The following SPATA22 variants were observed in gnomAD, a reference collection of about 807,000 sequenced individuals.
The protein encoded by SPATA22 is spermatogenesis-associated protein 22.
A neutral mutation model predicts 47.8 loss-of-function variants in SPATA22; 29 were observed. That is an observed-to-expected ratio of 0.61 (90% CI 0.45 to 0.83). The LOEUF is 0.83. Ranked by LOEUF, SPATA22 falls within the 40% of genes least tolerant of loss-of-function variation. The pLI, the probability that SPATA22 is intolerant of heterozygous loss-of-function variation, is 0.00. For missense variants in SPATA22, 410 were observed against 421.7 expected (o/e 0.97, Z 0.24); for synonymous variants, 133 against 140.9 (o/e 0.94, Z 0.40).
intron 5 of SPATA22, among the ~76,000 whole-genome samples, chr17:3,459,470 A>C (rs1285435099): frequency 6.6e-6 from 1 of 152,162 alleles, no homozygotes; most frequent in Non-Finnish European, 1.5e-5. Flanking sequence ...CAGTGGCAGG[A>C]TCTCAGCTCA....
At chr17:3,481,614 CAGA>C (rs1405992993) in intron 1 of SPATA22, 1 of 1,613,382 alleles carries the variant, frequency 6.2e-7, no homozygotes, top group Non-Finnish European at 8.5e-7. Context: ...AAAAAAATGT[CAGA>C]AGATTTGCCA....
chr17:3,470,814 C>G (rs1003016098), intron 1 of SPATA22, among the ~76,000 whole-genome samples: 7 of 151,306 alleles, frequency 4.6e-5, no homozygotes, highest in Non-Finnish European at 8.8e-5. Flanking sequence ...TGTTTTGTTT[C>G]CACATCTTAG....
chr17:3,448,772 G>T, intron 6 of SPATA22, 35 bp downstream of exon 6: 2 of 1,467,084 alleles, frequency 1.4e-6, no homozygotes, highest in Non-Finnish European at 1.9e-6. Flanking sequence ...TTTTAAAAAT[G>T]TAAATAAGTC....
chr17:3,476,707 A>G (rs909293421), upstream of SPATA22, among the ~76,000 whole-genome samples: 2 of 152,200 alleles, frequency 1.3e-5, no homozygotes, highest in African/African-American at 4.8e-5. Context: ...AAAGAAACAG[A>G]TTTAATACTC....
At chr17:3,465,260 C>G (rs1449134022) in intron 3 of SPATA22, among the ~76,000 whole-genome samples, 3 of 146,758 alleles carry the variant, frequency 2.0e-5, no homozygotes, top group Non-Finnish European at 4.6e-5. Flanking sequence ...GCCCGGCCAC[C>G]ACCCCGTCTG....
chr17:3,470,698 C>G (rs981581907), intron 1 of SPATA22, among the ~76,000 whole-genome samples: 2 of 150,044 alleles, frequency 1.3e-5, no homozygotes, highest in African/African-American at 2.5e-5. Context: ...TTGCAGTGAG[C>G]GGAGATCGTG....
chr17:3,462,606 A>T (rs374032956), intron 4 of SPATA22, 28 bp from the exon 5 acceptor site: 4 of 1,600,150 alleles, frequency 2.5e-6, no homozygotes, highest in Non-Finnish European at 3.4e-6. Flanking sequence ...CTTGTTAAAT[A>T]TTAATAGTTT....
intron 1 of SPATA22, chr17:3,499,577 CT>C (rs960642963): frequency 2.6e-5 from 4 of 152,758 alleles, no homozygotes; most frequent in African/African-American, 9.7e-5. Context: ...ATATTTCAAG[CT>C]TTTTTATGAT....
At chr17:3,478,919 A>G in intron 1 of SPATA22, among the ~76,000 whole-genome samples, 1 of 152,022 alleles carries the variant, frequency 6.6e-6, no homozygotes, top group East Asian at 1.9e-4. Flanking sequence ...CCTTGCAAGT[A>G]CTTCACAAAT....
intron 3 of SPATA22, among the ~76,000 whole-genome samples, chr17:3,463,187 A>G (rs1443048826): frequency 6.6e-6 from 1 of 152,220 alleles, no homozygotes; most frequent in African/African-American, 2.4e-5. Flanking sequence ...ACTTCATCAA[A>G]TCTTATCCTT....
upstream of SPATA22, chr17:3,476,149 T>C: frequency 6.2e-7 from 1 of 1,609,574 alleles, no homozygotes; most frequent in Non-Finnish European, 8.5e-7. Flanking sequence ...AGATAAAAAC[T>C]ACTTGGTGAA....
intron 1 of SPATA22, among the ~76,000 whole-genome samples, chr17:3,505,963 G>A (rs1254457474): frequency 6.6e-6 from 1 of 152,062 alleles, no homozygotes; most frequent in Non-Finnish European, 1.5e-5. Flanking sequence ...TCATCATATT[G>A]GTCAGGCTGG....
chr17:3,451,539 G>A (rs2150705683), intron 5 of SPATA22, among the ~76,000 whole-genome samples: 1 of 152,292 alleles, frequency 6.6e-6, no homozygotes, highest in East Asian at 1.9e-4. Flanking sequence ...ACTTTCTGAA[G>A]GATAACTCAC....
At chr17:3,508,644 G>T (rs1284671917) in intron 1 of SPATA22, among the ~76,000 whole-genome samples, 1 of 141,284 alleles carries the variant, frequency 7.1e-6, no homozygotes, top group Non-Finnish European at 1.5e-5. Context: ...GTAAACTATC[G>T]CAAGGACAAA....
At chr17:3,506,258 C>T (rs2074039624) in intron 1 of SPATA22, among the ~76,000 whole-genome samples, 1 of 152,136 alleles carries the variant, frequency 6.6e-6, no homozygotes, top group Non-Finnish European at 1.5e-5. Flanking sequence ...CAGGGCTGCC[C>T]CATCAGGCTT....
chr17:3,471,837 C>CGTGGACCGCGCAGGCGCA (rs962357285), upstream of SPATA22: 2 of 984,942 alleles, frequency 2.0e-6, no homozygotes, highest in Admixed American at 6.1e-5. Context: ...TCGCAGGCGC[C>CGTGGACCGCGCAGGCGCA]GTGGACCGCG....
intron 1 of SPATA22, among the ~76,000 whole-genome samples, chr17:3,478,192 A>T (rs142097988): frequency 0.083 from 12,090 of 145,424 alleles, 681 homozygotes; most frequent in South Asian, 0.17. Context: ...CTCAAAAAAA[A>T]AAATATATAT....
intron 1 of SPATA22, among the ~76,000 whole-genome samples, chr17:3,509,221 A>T (rs1347959253): frequency 1.3e-5 from 2 of 149,532 alleles, no homozygotes; most frequent in African/African-American, 4.9e-5. Context: ...AAAGGGGGGG[A>T]TACAGGTGCA....
chr17:3,470,629 T>G (rs1290350932), intron 1 of SPATA22, among the ~76,000 whole-genome samples: 1 of 151,728 alleles, frequency 6.6e-6, no homozygotes, highest in East Asian at 1.9e-4. Context: ...CAGGCACCTG[T>G]GGTCCCAGCT....
Sources: gnomAD v4.1 joint callset for allele counts (sites outside exome capture counted in the v4.1 genomes callset) on GRCh38, gnomAD v4.1.1 for gene constraint, MANE v1.5 for transcripts, NCBI Gene and HGNC (gene_info 2026-07-23, HGNC 2026-07-21) for gene names.